Variants in GABRA3 observed in about 807,000 individuals in gnomAD.
GABRA3 encodes gamma-aminobutyric acid receptor subunit alpha-3.
GABRA3 carries 10 observed loss-of-function variants against 30.1 expected under a neutral mutation model. The ratio of observed to expected loss-of-function variants is 0.33; its 90% CI spans 0.20 to 0.56. The LOEUF is 0.56. Ranked by LOEUF, GABRA3 falls within the 20% of genes least tolerant of loss-of-function variation. GABRA3 has a pLI of 0.89. For synonymous variants in GABRA3, 151 were observed against 146.8 expected (o/e 1.03, Z -0.21); for missense variants, 233 against 392.0 (o/e 0.59, Z 3.42).
At chrX:152,331,487 C>T (rs6526100) in intron 3 of GABRA3, among the ~76,000 whole-genome samples, 24,767 of 110,742 alleles carry the variant, frequency 0.22, 2,664 homozygotes, top group African/African-American at 0.43. Context: ...TTCTGCGATG[C>T]AGAGTAATTC....
chrX:152,228,047 T>A (rs1381689133), intron 5 of GABRA3, among the ~76,000 whole-genome samples: 3 of 111,882 alleles, frequency 2.7e-5, no homozygotes. Context: ...ATCATTGCCC[T>A]CATAGTGACC....
chrX:152,275,127 AAT>A (rs1261406794), intron 4 of GABRA3, among the ~76,000 whole-genome samples: 2 of 59,760 alleles, frequency 3.3e-5, no homozygotes, highest in African/African-American at 1.8e-4. Flanking sequence ...TTAAACATTA[AAT>A]ATATATAATA....
intron 9 of GABRA3, 146 bp from the exon 10 acceptor site, chrX:152,168,709 A>G (rs1936967748): frequency 4.3e-6 from 2 of 462,261 alleles, no homozygotes; most frequent in Non-Finnish European, 7.6e-6. Flanking sequence ...AGCACTAGTA[A>G]CCAGGTTTGT....
At chrX:152,275,678 G>C (rs1327783115) in intron 4 of GABRA3, among the ~76,000 whole-genome samples, 4 of 108,182 alleles carry the variant, frequency 3.7e-5, no homozygotes, top group Non-Finnish European at 5.7e-5. Flanking sequence ...AGAATCGCTT[G>C]AACCTGGGAG....
At chrX:152,426,170 A>G (rs1930510352) in intron 1 of GABRA3, among the ~76,000 whole-genome samples, 1 of 111,655 alleles carries the variant, frequency 9.0e-6, no homozygotes, top group South Asian at 3.8e-4. Context: ...CTAAGAGTAA[A>G]GGAAACACTT....
At chrX:152,182,633 C>CTA (rs369102715) in intron 9 of GABRA3, among the ~76,000 whole-genome samples, 2 of 3,327 alleles carry the variant, frequency 6.0e-4, no homozygotes, top group African/African-American at 1.2e-3. Flanking sequence ...TATATATACA[C>CTA]TATATATACA....
intron 4 of GABRA3, among the ~76,000 whole-genome samples, chrX:152,277,611 C>G (rs1184873581): frequency 3.6e-5 from 4 of 111,782 alleles, no homozygotes; most frequent in African/African-American, 1.3e-4. Flanking sequence ...TTGACCTAAC[C>G]ATTCTAGAAA....
rs185633165 is a variant in GABRA3 at position 152,331,357 on chromosome X, G to A, written c.262+14224C>T. 2.4e-4 allele frequency among the ~76,000 whole-genome samples: 27 copies of A among 110,554 alleles called. No homozygotes were observed. In the South Asian group the frequency reaches 3.8e-3, roughly 16 times the overall value. ...CAGCAGTGCTACAAAAGGGATTATC[G>A]TCCTCAAAGAGAGGCTGGTTGGGAA... On this transcript the variant is annotated intron_variant, in intron 3 of 9. Coordinates refer to ENST00000370314, the MANE Select transcript of GABRA3 (RefSeq NM_000808.4).
chrX:152,446,322 T>C lies in GABRA3; in HGVS notation c.-27+4824A>G, dbSNP rs188857123. ...CATAGTTCAGTGGTCTGTCGAATAATGTCTATCTCACCATCTAAACCATGA... is the reference window on the plus strand; with the variant it reads ...CATAGTTCAGTGGTCTGTCGAATAACGTCTATCTCACCATCTAAACCATGA... On this transcript the variant is annotated intron_variant, in intron 1 of 9. Transcript: ENST00000370314. 3.6e-5 allele frequency among the ~76,000 whole-genome samples: 4 copies of C among 112,065 alleles called. No homozygotes were observed. The East Asian group carries it at 8.4e-4, about 24-fold the overall frequency.
intron 9 of GABRA3, among the ~76,000 whole-genome samples, chrX:152,174,906 G>A (rs1462662251): frequency 2.7e-5 from 3 of 111,605 alleles, no homozygotes; most frequent in Admixed American, 9.6e-5. Flanking sequence ...GTTTTCTTCT[G>A]GGGTTTTTAT....
At chrX:152,345,543 G>T in intron 3 of GABRA3, 38 bp downstream of exon 3, 1 of 1,180,179 alleles carries the variant, frequency 8.5e-7, no homozygotes, top group Non-Finnish European at 1.1e-6. Flanking sequence ...CCAAGAAGAA[G>T]ATCTGAAAAG....
intron 9 of GABRA3, among the ~76,000 whole-genome samples, chrX:152,186,576 T>G (rs1189418667): frequency 9.2e-6 from 1 of 108,761 alleles, no homozygotes; most frequent in Non-Finnish European, 1.9e-5. Context: ...TTTTTTTGCC[T>G]CCCTCCCTTC....
At chrX:152,340,011 T>A (rs1940291593) in intron 3 of GABRA3, among the ~76,000 whole-genome samples, 3 of 112,371 alleles carry the variant, frequency 2.7e-5, no homozygotes, top group Non-Finnish European at 5.6e-5. Flanking sequence ...TTAGATGATT[T>A]ATATTTAATG....
In GABRA3 at chrX:152,418,780, C is replaced by G. The variant is rs996402844; in HGVS notation, c.-27+32366G>C. Among the ~76,000 whole-genome samples, 3 of 111,705 alleles carry G rather than the reference C, an allele frequency of 2.7e-5. No individual in the cohort carries two copies. In the Admixed American group the frequency reaches 2.9e-4, roughly 11 times the overall value. ...TAGAAATACCATTTGACCCAGCCAT[C>G]CCATTACTGGGTATATACCCAAAGG... On this transcript the variant is annotated intron_variant, in intron 1 of 9. Transcript: ENST00000370314.
intron 7 of GABRA3, among the ~76,000 whole-genome samples, chrX:152,207,632 T>C (rs1305702522): frequency 8.9e-6 from 1 of 112,068 alleles, no homozygotes; most frequent in Non-Finnish European, 1.9e-5. Flanking sequence ...AGTTAAGCAA[T>C]TATTTTAATG....
At chrX:152,273,481 T>C (rs768263978) in intron 4 of GABRA3, among the ~76,000 whole-genome samples, 12 of 112,472 alleles carry the variant, frequency 1.1e-4, no homozygotes, top group Non-Finnish European at 2.1e-4. Context: ...AAGAGCTACC[T>C]GTCCTCCCAT....
At position 152,199,378 on chromosome X, in the gene GABRA3, T is replaced by TA. The variant is rs1302529789; in HGVS notation, c.779-1594dup. 2.1e-4 allele frequency among the ~76,000 whole-genome samples: 22 copies of TA among 103,917 alleles called. 1 individual carries two copies. Among genetic ancestry groups the TA allele is most frequent in the South Asian group, 1.7e-3 (4 of 2,359 alleles). 90.2% of individuals were successfully genotyped at this position (103,917 alleles called of 115,157 possible). On this transcript the variant is annotated intron_variant, in intron 7 of 9. Transcript: ENST00000370314. The stretch of plus-strand genomic sequence containing the variant: ...AGACTCTGTCTCAAAAAAAAAAAAA[T>TA]AAAAAAAGCAAAAAACAAGCAGAGG...
intron 1 of GABRA3, among the ~76,000 whole-genome samples, chrX:152,376,797 G>T (rs1929010140): frequency 9.0e-6 from 1 of 111,448 alleles, no homozygotes; most frequent in Non-Finnish European, 1.9e-5. Context: ...TTACACTGCA[G>T]TTCTGTCTAT....
intron 5 of GABRA3, among the ~76,000 whole-genome samples, chrX:152,249,302 A>G (rs1303953968): frequency 1.8e-5 from 2 of 111,619 alleles, no homozygotes; most frequent in Non-Finnish European, 3.8e-5. Flanking sequence ...CCTCTTGAAC[A>G]TATTGTATGC....
Sources: gnomAD v4.1 joint callset for allele counts (sites outside exome capture counted in the v4.1 genomes callset) on GRCh38, gnomAD v4.1.1 for gene constraint, MANE v1.5 for transcripts, NCBI Gene and HGNC (gene_info 2026-07-23, HGNC 2026-07-21) for gene names.